Variants in KCMF1 observed in about 807,000 individuals in gnomAD.
The protein encoded by KCMF1 is E3 ubiquitin-protein ligase KCMF1.
Under a neutral mutation model 41.1 loss-of-function variants are expected in KCMF1, and 3 were observed. The ratio of observed to expected loss-of-function variants is 0.07; its 90% confidence interval spans 0.03 to 0.19. The LOEUF is 0.19. Among genes scored for constraint, KCMF1 ranks in the 10% least tolerant of loss-of-function variants. The probability of loss-of-function intolerance (pLI) is 1.00; values close to 1 mark genes in which losing one functional copy is unlikely to be tolerated. For synonymous variants in KCMF1, 142 were observed against 164.5 expected, an observed-to-expected ratio of 0.86 and a Z score of 1.04; for missense variants, 286 against 488.9, an observed-to-expected ratio of 0.58 and a Z score of 3.91.
At chr2:84,990,125 A>G (rs1386197412) in intron 1 of KCMF1, among the ~76,000 whole-genome samples, 1 of 152,200 alleles carries the variant, frequency 6.6e-6, no homozygotes. Context: ...GGCTTGAGCC[A>G]TTGGAATAGG....
At chr2:85,007,101 C>CAAAAAAAAAA (rs764401140) in intron 1 of KCMF1, among the ~76,000 whole-genome samples, 2 of 51,904 alleles carry the variant, frequency 3.9e-5, no homozygotes, top group Admixed American at 2.1e-4. Context: ...AACTCAGTCT[C>CAAAAAAAAAA]AAAAAAAAAA....
chr2:85,027,787 G>T (rs564863848), intron 1 of KCMF1, 102 bp from the exon 2 acceptor site: 3 of 668,734 alleles, frequency 4.5e-6, no homozygotes, highest in African/African-American at 3.6e-5. Flanking sequence ...AGTCATTTTG[G>T]AAAGGACATA....
Position 84,990,012 on chromosome 2 carries a change from TGA to T in KCMF1, c.16+18549_16+18550del, listed in dbSNP as rs538785607. Among the ~76,000 whole-genome samples, 78 of 152,150 alleles carry T rather than the reference TGA, an allele frequency of 5.1e-4. 1 individual carries two copies. Among genetic ancestry groups the T allele is most frequent in the Admixed American group, 1.4e-3 (22 of 15,268 alleles). ...CAGCCTGGAGAATGGGAGGACCAGGTGAGAGTATTGGTGTTGAAACTTAAGAA... is the reference window on the plus strand; with the variant it reads ...CAGCCTGGAGAATGGGAGGACCAGGTGAGTATTGGTGTTGAAACTTAAGAA... On this transcript the variant is annotated intron_variant, in intron 1 of 6. Coordinates refer to ENST00000409785, the MANE Select transcript of KCMF1 (RefSeq NM_020122.5).
chr2:85,026,045 C>T lies in KCMF1; in HGVS notation c.17-1844C>T, dbSNP rs1481826992. Reference sequence around the variant, plus strand: ...TCACTCTGTCGCCTAGGCTGGAGTGCAGTGGCATGATCTCGGCTCACTGCA... The same window carrying T: ...TCACTCTGTCGCCTAGGCTGGAGTGTAGTGGCATGATCTCGGCTCACTGCA... On this transcript the variant is annotated intron_variant, in intron 1 of 6. Transcript: ENST00000409785. Among the ~76,000 whole-genome samples the T allele has an allele frequency of 2.0e-5, 3 of 152,074 alleles. No homozygotes were observed. In the South Asian group the frequency reaches 6.2e-4, roughly 32 times the overall value.
chr2:85,026,616 G>T (rs2104026786), intron 1 of KCMF1, among the ~76,000 whole-genome samples: 1 of 151,726 alleles, frequency 6.6e-6, no homozygotes, highest in East Asian at 1.9e-4. Flanking sequence ...AACCTTCCAA[G>T]TAGCTAAGGC....
At chr2:85,017,502 A>G (rs960719616) in intron 1 of KCMF1, among the ~76,000 whole-genome samples, 1 of 152,122 alleles carries the variant, frequency 6.6e-6, no homozygotes, top group African/African-American at 2.4e-5. Context: ...GGAGAGATGC[A>G]AGGGCCTTGA....
chr2:84,995,534 T>C (rs1674157834), intron 1 of KCMF1, among the ~76,000 whole-genome samples: 1 of 152,240 alleles, frequency 6.6e-6, no homozygotes, highest in Admixed American at 6.5e-5. Flanking sequence ...TGTCAGGCTG[T>C]TCCTTTATTG....
intron 1 of KCMF1, among the ~76,000 whole-genome samples, chr2:84,992,960 G>A (rs1674079974): frequency 6.6e-6 from 1 of 152,214 alleles, no homozygotes; most frequent in East Asian, 1.9e-4. Flanking sequence ...TTGGGAGGTC[G>A]AGGCAGGCAG....
chr2:85,028,246 G>A (rs1043608370), intron 2 of KCMF1, among the ~76,000 whole-genome samples, 190 bp downstream of exon 2: 16 of 151,972 alleles, frequency 1.1e-4, no homozygotes, highest in Non-Finnish European at 8.8e-5. Flanking sequence ...GCAATGGCGC[G>A]ATCTTGGCTC....
intron 6 of KCMF1, among the ~76,000 whole-genome samples, chr2:85,052,526 C>G (rs902707516): frequency 1.3e-5 from 2 of 152,132 alleles, no homozygotes; most frequent in South Asian, 4.1e-4. Context: ...CCAGCATAGC[C>G]CAGATCTCAT....
At chr2:85,003,101 C>G (rs1236256587) in intron 1 of KCMF1, among the ~76,000 whole-genome samples, 1 of 152,140 alleles carries the variant, frequency 6.6e-6, no homozygotes, top group Non-Finnish European at 1.5e-5. Context: ...TAAGGTTTTG[C>G]TTAGTTAATT....
At chr2:85,001,429 G>A (rs940339102) in intron 1 of KCMF1, among the ~76,000 whole-genome samples, 4 of 152,058 alleles carry the variant, frequency 2.6e-5, no homozygotes, top group African/African-American at 9.7e-5. Flanking sequence ...AAAGTGCTGG[G>A]ATTACAGGTG....
At chr2:85,035,334 A>G (rs1428798786) in intron 3 of KCMF1, among the ~76,000 whole-genome samples, 179 bp downstream of exon 3, 1 of 152,220 alleles carries the variant, frequency 6.6e-6, no homozygotes, top group Admixed American at 6.5e-5. Flanking sequence ...GCATTTTTGC[A>G]AAATAATACC....
At chr2:85,041,155 T>C (rs1431779844) in intron 3 of KCMF1, among the ~76,000 whole-genome samples, 2 of 152,222 alleles carry the variant, frequency 1.3e-5, no homozygotes, top group Admixed American at 1.3e-4. Flanking sequence ...CTAGTAGTTA[T>C]GGAAGTTTGG....
chr2:84,984,183 A>G (rs1673837996), intron 1 of KCMF1, among the ~76,000 whole-genome samples: 1 of 151,946 alleles, frequency 6.6e-6, no homozygotes, highest in South Asian at 2.1e-4. Context: ...GCTGGGCAAC[A>G]TGGTAAGACC....
chr2:85,037,726 C>CT (rs1284990754), intron 3 of KCMF1, among the ~76,000 whole-genome samples: 1 of 152,202 alleles, frequency 6.6e-6, no homozygotes, highest in Non-Finnish European at 1.5e-5. Context: ...TGTTTGCTAT[C>CT]TTGCTTTGCC....
At chr2:85,020,219 G>A (rs933035167) in intron 1 of KCMF1, among the ~76,000 whole-genome samples, 1 of 152,146 alleles carries the variant, frequency 6.6e-6, no homozygotes, top group African/African-American at 2.4e-5. Context: ...GAAAAGGCAG[G>A]CCTGCAGAAT....
chr2:84,998,715 G>A (rs1317245729), intron 1 of KCMF1, among the ~76,000 whole-genome samples: 1 of 151,104 alleles, frequency 6.6e-6, no homozygotes, highest in Admixed American at 6.6e-5. Flanking sequence ...CTGTTTTCCT[G>A]CCTCAGCCTC....
Position 85,035,289 on chromosome 2 carries a change from CT to C in KCMF1, c.324+138del, listed in dbSNP as rs1675381495. On this transcript the variant is annotated intron_variant, in intron 3 of 6. Coordinates refer to ENST00000409785, the MANE Select transcript of KCMF1 (RefSeq NM_020122.5). ...CCGTTTGCATAGTTATTAAAATCAT[CT>C]TTTAACAGCAAATTTTATACATCAT... The C allele has an allele frequency of 6.0e-6, 5 of 836,960 alleles. No individual in the cohort carries two copies. The South Asian group carries it at 1.1e-4, about 18-fold the overall frequency. The allele number at this position is 836,960 out of a possible 1,614,324, so 51.8% of individuals were successfully genotyped here.
Sources: allele counts gnomAD v4.1 joint callset (sites outside exome capture counted in the v4.1 genomes callset), GRCh38; gene constraint gnomAD v4.1.1; transcripts MANE v1.5; gene names NCBI Gene and HGNC (gene_info 2026-07-23, HGNC 2026-07-21).